The following MID1 variants were observed in gnomAD, a reference collection of about 807,000 sequenced individuals.
MID1 encodes the protein E3 ubiquitin-protein ligase Midline-1.
A neutral mutation model predicts 40.4 loss-of-function variants in MID1; 7 were observed. That is an observed-to-expected ratio of 0.17 (90% confidence interval 0.10 to 0.33). The LOEUF (loss-of-function observed/expected upper bound fraction) is 0.33. Ranked by LOEUF, MID1 falls within the 10% of genes least tolerant of loss-of-function variation. MID1 has a pLI of 1.00. For missense variants in MID1, 367 were observed against 558.5 expected (o/e 0.66, Z 3.46); for synonymous variants, 229 against 221.2 (o/e 1.04, Z -0.31).
intron 1 of MID1, among the ~76,000 whole-genome samples, chrX:10,760,242 T>A (rs1425424712): frequency 9.0e-6 from 1 of 111,513 alleles, no homozygotes; most frequent in Non-Finnish European, 1.9e-5. Flanking sequence ...TCTACAATTG[T>A]GCCAATTCTG....
At chrX:10,765,926 AGGAAAG>A (rs1341651974) in intron 1 of MID1, among the ~76,000 whole-genome samples, 3 of 90,622 alleles carry the variant, frequency 3.3e-5, no homozygotes, top group African/African-American at 1.5e-4. Flanking sequence ...AAAGAAAGAA[AGGAAAG>A]GAAAGGAAAG....
At chrX:10,597,267 A>C (rs1049105404) in intron 1 of MID1, among the ~76,000 whole-genome samples, 1 of 111,543 alleles carries the variant, frequency 9.0e-6, no homozygotes, top group Non-Finnish European at 1.9e-5. Flanking sequence ...ATGGGATCAG[A>C]CTTTACGTTT....
At chrX:10,737,034 T>TTG (rs1413171054) in intron 1 of MID1, among the ~76,000 whole-genome samples, 1 of 111,809 alleles carries the variant, frequency 8.9e-6, no homozygotes, top group Non-Finnish European at 1.9e-5. Context: ...TGTATTTACA[T>TTG]TGTGTGTGTG....
At chrX:10,543,493 G>C (rs1933555194) in intron 2 of MID1, among the ~76,000 whole-genome samples, 1 of 111,143 alleles carries the variant, frequency 9.0e-6, no homozygotes, top group Non-Finnish European at 1.9e-5. Context: ...TCTATCTCTA[G>C]TCCTCTTAAT....
At chrX:10,823,365 C>T (rs2044191357) in intron 1 of MID1, among the ~76,000 whole-genome samples, 1 of 111,240 alleles carries the variant, frequency 9.0e-6, no homozygotes, top group African/African-American at 3.3e-5. Flanking sequence ...ATAGCTAATG[C>T]ATGCTGGGCT....
intron 1 of MID1, among the ~76,000 whole-genome samples, chrX:10,696,463 C>T (rs2043164436): frequency 9.0e-6 from 1 of 111,323 alleles, no homozygotes; most frequent in South Asian, 3.8e-4. Flanking sequence ...TCCAAGTGTA[C>T]TTTACTTCCT....
intron 4 of MID1, among the ~76,000 whole-genome samples, chrX:10,490,169 A>G (rs1283409676): frequency 8.9e-6 from 1 of 111,925 alleles, no homozygotes; most frequent in Non-Finnish European, 1.9e-5. Flanking sequence ...TCTTTACCCC[A>G]TAACATGATA....
chrX:10,636,784 G>GTATA (rs1198448070), intron 1 of MID1, among the ~76,000 whole-genome samples: 14 of 12,157 alleles, frequency 1.2e-3, no homozygotes, highest in African/African-American at 4.7e-3. Context: ...CCAACAATGG[G>GTATA]GATATATATA....
chrX:10,494,806 G>T (rs867364866), intron 4 of MID1, among the ~76,000 whole-genome samples: 9 of 100,413 alleles, frequency 9.0e-5, no homozygotes, highest in Non-Finnish European at 1.6e-4. Context: ...GAAGAAAAAA[G>T]AAAGAAAAAT....
chrX:10,726,751 G>T (rs1272313801), intron 1 of MID1, among the ~76,000 whole-genome samples: 1 of 112,558 alleles, frequency 8.9e-6, no homozygotes, highest in African/African-American at 3.2e-5. Context: ...CCTGGTCCTT[G>T]TAACCACTAT....
intron 3 of MID1, among the ~76,000 whole-genome samples, chrX:10,522,582 C>T (rs766265487): frequency 3.4e-4 from 38 of 111,930 alleles, no homozygotes; most frequent in African/African-American, 1.1e-3. Flanking sequence ...CTGCAAGCTC[C>T]GCCTCCCGGG....
At chrX:10,690,688 C>G (rs1602519110) in intron 1 of MID1, among the ~76,000 whole-genome samples, 1 of 111,567 alleles carries the variant, frequency 9.0e-6, no homozygotes, top group Non-Finnish European at 1.9e-5. Context: ...ATCACTGTAC[C>G]TCTTGGTGCC....
chrX:10,681,804 T>C (rs908858085), intron 1 of MID1, among the ~76,000 whole-genome samples: 1 of 111,903 alleles, frequency 8.9e-6, no homozygotes, highest in Non-Finnish European at 1.9e-5. Context: ...TAAAATGATA[T>C]AGCACATCCA....
intron 1 of MID1, among the ~76,000 whole-genome samples, chrX:10,750,286 G>A (rs2043588597): frequency 9.0e-6 from 1 of 111,490 alleles, no homozygotes; most frequent in Non-Finnish European, 1.9e-5. Context: ...ATAAAAATCA[G>A]AAGGAGATGA....
intron 1 of MID1, among the ~76,000 whole-genome samples, chrX:10,601,927 C>T (rs1169142012): frequency 3.7e-4 from 39 of 104,967 alleles, no homozygotes; most frequent in African/African-American, 1.0e-3. Flanking sequence ...GACAGAGTCT[C>T]GCTCTGTCGC....
At chrX:10,461,051 CATA>C (rs1928994695) in intron 7 of MID1, among the ~76,000 whole-genome samples, 1 of 106,066 alleles carries the variant, frequency 9.4e-6, no homozygotes, top group East Asian at 2.9e-4. Flanking sequence ...ATCTTGGGTG[CATA>C]ATATTTTCAA....
intron 1 of MID1, among the ~76,000 whole-genome samples, chrX:10,728,640 G>A (rs771996693): frequency 3.7e-4 from 41 of 112,185 alleles, no homozygotes; most frequent in Non-Finnish European, 6.6e-4. Context: ...AATGAGATCC[G>A]TTGGAAAGGC....
chrX:10,609,891 T>G (rs1291862578), intron 1 of MID1, among the ~76,000 whole-genome samples: 1 of 110,384 alleles, frequency 9.1e-6, no homozygotes, highest in East Asian at 2.8e-4. Context: ...CTAATTTTTT[T>G]GTATTTTTAG....
intron 1 of MID1, among the ~76,000 whole-genome samples, chrX:10,704,842 C>T (rs1159208836): frequency 3.8e-5 from 4 of 106,539 alleles, no homozygotes. Flanking sequence ...TAGGCTCACT[C>T]CAACCTCTGC....
Sources: allele counts gnomAD v4.1 joint callset (sites outside exome capture counted in the v4.1 genomes callset), GRCh38; gene constraint gnomAD v4.1.1; transcripts MANE v1.5; gene names NCBI Gene and HGNC (gene_info 2026-07-23, HGNC 2026-07-21).